Variants in FOXP2 observed in about 807,000 individuals in gnomAD.
FOXP2 encodes forkhead box P2.
A neutral mutation model predicts 115.8 loss-of-function variants in FOXP2; 12 were observed. The observed-to-expected ratio is 0.10, with a 90% CI of 0.07 to 0.17. The LOEUF is 0.17. Ranked by LOEUF, FOXP2 falls within the 10% of genes least tolerant of loss-of-function variation. The pLI, the probability that FOXP2 is intolerant of heterozygous loss-of-function variation, is 1.00. For synonymous variants in FOXP2, 328 were observed against 297.7 expected (o/e 1.10, Z -1.05); for missense variants, 629 against 843.5 (o/e 0.75, Z 3.15).
chr7:114,608,683 T>G (rs946683082), intron 3 of FOXP2, among the ~76,000 whole-genome samples: 3 of 152,172 alleles, frequency 2.0e-5, no homozygotes, highest in Non-Finnish European at 4.4e-5. Flanking sequence ...TTCACCTGAG[T>G]GAGCCACTCA....
intron 16 of FOXP2, among the ~76,000 whole-genome samples, chr7:114,672,469 C>T (rs373608339): frequency 6.6e-6 from 1 of 151,918 alleles, no homozygotes; most frequent in Non-Finnish European, 1.5e-5. Context: ...CCTGTAATCC[C>T]AGCTACTTGG....
intron 9 of FOXP2, among the ~76,000 whole-genome samples, chr7:114,652,783 C>A (rs1171672953): frequency 1.3e-5 from 2 of 151,958 alleles, no homozygotes; most frequent in Non-Finnish European, 2.9e-5. Context: ...GCAAAAAAAT[C>A]TTTATACTTT....
intron 3 of FOXP2, among the ~76,000 whole-genome samples, chr7:114,578,766 A>G (rs1439510589): frequency 6.6e-6 from 1 of 152,118 alleles, no homozygotes; most frequent in Non-Finnish European, 1.5e-5. Context: ...GGTCTCAATC[A>G]TATCTATGAC....
rs182858121 is a variant in FOXP2 at position 114,372,810 on chromosome 7, G to A, written c.-10-53692G>A. On this transcript the variant is annotated intron_variant, in intron 2 of 17. Transcript: ENST00000634411. ...GACAAGTAAATAATTGCCATACATT[G>A]TAAAGGAACTGACTGGAAATGTAGA... Among the ~76,000 whole-genome samples the A allele has an allele frequency of 5.3e-5, 8 of 152,090 alleles. No individual in the cohort carries two copies. The East Asian group carries it at 1.6e-3, about 29-fold the overall frequency.
intron 3 of FOXP2, among the ~76,000 whole-genome samples, chr7:114,580,604 A>G: frequency 6.6e-6 from 1 of 152,154 alleles, no homozygotes; most frequent in East Asian, 1.9e-4. Flanking sequence ...AAACAAAACA[A>G]AACAGAAAAC....
chr7:114,583,748 C>T (rs1042276561), intron 3 of FOXP2, among the ~76,000 whole-genome samples: 2 of 152,130 alleles, frequency 1.3e-5, no homozygotes, highest in Non-Finnish European at 2.9e-5. Flanking sequence ...GAGTATATTC[C>T]GTCCAAATAT....
chr7:114,375,806 C>G (rs922090797), intron 2 of FOXP2, among the ~76,000 whole-genome samples: 1 of 152,156 alleles, frequency 6.6e-6, no homozygotes, highest in Non-Finnish European at 1.5e-5. Context: ...TGAAAACAGA[C>G]TGGAAAATCT....
At chr7:114,258,112 C>T (rs1266113169) in intron 1 of FOXP2, among the ~76,000 whole-genome samples, 1 of 152,080 alleles carries the variant, frequency 6.6e-6, no homozygotes, top group Non-Finnish European at 1.5e-5. Context: ...TGAGAATAGA[C>T]AGTGGGATCA....
intron 3 of FOXP2, among the ~76,000 whole-genome samples, chr7:114,547,940 T>C (rs545409518): frequency 6.6e-6 from 1 of 152,272 alleles, no homozygotes; most frequent in South Asian, 2.1e-4. Flanking sequence ...TACTATGAAG[T>C]TTATTAGCTA....
At chr7:114,410,419 G>C (rs1793135624), upstream of FOXP2, among the ~76,000 whole-genome samples, 1 of 152,056 alleles carries the variant, frequency 6.6e-6, no homozygotes, top group Admixed American at 6.6e-5. Flanking sequence ...CATAGATATT[G>C]TTTGACCCTG....
At chr7:114,505,836 G>A (rs1374417498) in intron 2 of FOXP2, among the ~76,000 whole-genome samples, 3 of 151,530 alleles carry the variant, frequency 2.0e-5, no homozygotes, top group African/African-American at 7.3e-5. Flanking sequence ...TAAGGGCGGG[G>A]GTAGTTGGGA....
chr7:114,174,495 T>G (rs1456891981), intron 1 of FOXP2, among the ~76,000 whole-genome samples: 3 of 152,070 alleles, frequency 2.0e-5, no homozygotes, highest in African/African-American at 7.2e-5. Context: ...CTTCTACAAA[T>G]TCCCAGCAGG....
chr7:114,423,608 G>A (rs756053993), intron 1 of FOXP2, among the ~76,000 whole-genome samples: 112 of 151,634 alleles, frequency 7.4e-4, no homozygotes, highest in Non-Finnish European at 1.2e-3. Context: ...TAAAATGTTT[G>A]TGGTGGGATT....
At chr7:114,518,718 C>T (rs1468294017) in intron 2 of FOXP2, among the ~76,000 whole-genome samples, 1 of 152,058 alleles carries the variant, frequency 6.6e-6, no homozygotes, top group Non-Finnish European at 1.5e-5. Flanking sequence ...GTTGGCCAAG[C>T]TGGTCTTGAA....
intron 2 of FOXP2, among the ~76,000 whole-genome samples, chr7:114,288,327 T>G (rs1041351858): frequency 6.6e-6 from 1 of 151,888 alleles, no homozygotes; most frequent in African/African-American, 2.4e-5. Flanking sequence ...CTCTTTCTAT[T>G]AAACTTGGTA....
intron 2 of FOXP2, among the ~76,000 whole-genome samples, chr7:114,356,253 C>T (rs1300472648): frequency 1.3e-5 from 2 of 152,114 alleles, no homozygotes; most frequent in Non-Finnish European, 1.5e-5. Context: ...TGATTTTAGT[C>T]TTACCATATA....
chr7:114,274,079 A>G (rs1382166279), intron 1 of FOXP2, among the ~76,000 whole-genome samples: 5 of 151,196 alleles, frequency 3.3e-5, no homozygotes, highest in Admixed American at 3.3e-4. Flanking sequence ...TCAGCATGTC[A>G]GTTCTTTTTT....
intron 2 of FOXP2, among the ~76,000 whole-genome samples, chr7:114,354,245 C>G (rs1791562004): frequency 6.6e-6 from 1 of 152,042 alleles, no homozygotes; most frequent in Non-Finnish European, 1.5e-5. Flanking sequence ...TCTGGGTTAG[C>G]AGGCATTTGG....
intron 1 of FOXP2, among the ~76,000 whole-genome samples, chr7:114,143,198 A>C (rs910777091): frequency 6.6e-6 from 1 of 150,636 alleles, no homozygotes; most frequent in African/African-American, 2.4e-5. Flanking sequence ...GCCTACTTCC[A>C]ACTTGTATGG....
Sources: allele counts gnomAD v4.1 joint callset (sites outside exome capture counted in the v4.1 genomes callset), GRCh38; gene constraint gnomAD v4.1.1; transcripts MANE v1.5; gene names NCBI Gene and HGNC (gene_info 2026-07-23, HGNC 2026-07-21).